The following DHRS4L2 variants were observed in gnomAD, a reference collection of about 807,000 sequenced individuals.
The protein encoded by DHRS4L2 is dehydrogenase/reductase SDR family member 4-like 2.
A neutral mutation model predicts 23.9 loss-of-function variants in DHRS4L2; 22 were observed. The ratio of observed to expected loss-of-function variants is 0.92; its 90% CI spans 0.66 to 1.31. The LOEUF is 1.31. Ranked by LOEUF, DHRS4L2 falls within the 40% of genes most tolerant of loss-of-function variation. The pLI, the probability that DHRS4L2 is intolerant of heterozygous loss-of-function variation, is 0.00. For synonymous variants in DHRS4L2, 141 were observed against 123.7 expected (o/e 1.14, Z -0.93); for missense variants, 385 against 303.3 (o/e 1.27, Z -2.00).
chr14:23,990,227 C>T lies in DHRS4L2; in HGVS notation c.174C>T (p.His58=), dbSNP rs11556286. Residue 58 remains histidine (H), a synonymous_variant, in exon 2 of 8, where the codon CAC becomes CAT. Transcript: ENST00000335125. ...IARRLAQDRA[H]VVVSSRKQQN... ...GGCGTTTGGCCCAGGACAGGGCCCA[C>T]GTGGTCGTCAGCAGCCGGAAGCAGC... 77 of 1,612,508 alleles carry T rather than the reference C, an allele frequency of 4.8e-5. 1 individual carries two copies. Among genetic ancestry groups the T allele is most frequent in the Middle Eastern group, 3.3e-4 (2 of 6,078 alleles).
At chr14:23,981,695 A>G (rs2034056151) in intron 1 of DHRS4L2, among the ~76,000 whole-genome samples, 1 of 151,714 alleles carries the variant, frequency 6.6e-6, no homozygotes, top group Non-Finnish European at 1.5e-5. Context: ...TTACTATCTC[A>G]GCAAGAGGAA....
At chr14:23,990,105 T>A in intron 1 of DHRS4L2, 77 bp from the exon 2 acceptor site, 1 of 1,580,442 alleles carries the variant, frequency 6.3e-7, no homozygotes, top group South Asian at 1.2e-5. Flanking sequence ...ACCCGGGCAG[T>A]CTTAACTTCA....
At chr14:23,981,755 T>G (rs1235803970) in intron 1 of DHRS4L2, among the ~76,000 whole-genome samples, 31 of 151,554 alleles carry the variant, frequency 2.0e-4, no homozygotes, top group Admixed American at 2.0e-3. Context: ...CAAGAAAACA[T>G]GTGGCAAAGG....
exon 1 of DHRS4L2, chr14:23,970,243 C>T (rs1452536289): frequency 2.2e-6 from 1 of 452,410 alleles, no homozygotes; most frequent in East Asian, 7.0e-5. Context: ...CCCCGCTACC[C>T]CAAGCATCCA....
upstream of DHRS4L2, among the ~76,000 whole-genome samples, chr14:23,984,044 G>T (rs1957679): frequency 0.068 from 10,250 of 151,060 alleles, 624 homozygotes; most frequent in East Asian, 0.2. Flanking sequence ...TTTAAAAAAA[G>T]AAAAAATGTA....
chr14:23,971,764 A>G (rs531708176), intron 1 of DHRS4L2, among the ~76,000 whole-genome samples: 2 of 152,128 alleles, frequency 1.3e-5, no homozygotes, highest in African/African-American at 4.8e-5. Context: ...AATCCTTTGC[A>G]GACAAGGAGA....
chr14:23,972,519 A>G lies in DHRS4L2; in HGVS notation c.-176+2187A>G, dbSNP rs142768722. On this transcript the variant is annotated intron_variant, in intron 1 of 5. Transcript: ENST00000534993. ...CAGCAAGATTTATTGCAAAGAGTGA[A>G]AGAACAAAGCTTCCACAGTGTGGAA... Among the ~76,000 whole-genome samples the G allele has an allele frequency of 2.7e-3, 405 of 152,014 alleles. 1 individual carries two copies. Among genetic ancestry groups the G allele is most frequent in the African/African-American group, 9.1e-3 (380 of 41,538 alleles).
chr14:23,972,074 T>G (rs1395071239), intron 1 of DHRS4L2, among the ~76,000 whole-genome samples: 3 of 151,992 alleles, frequency 2.0e-5, no homozygotes, highest in Non-Finnish European at 4.4e-5. Flanking sequence ...TGTGCTGTAT[T>G]CAGGAGACCC....
At chr14:23,974,906 A>G (rs535649815) in intron 1 of DHRS4L2, among the ~76,000 whole-genome samples, 21 of 152,002 alleles carry the variant, frequency 1.4e-4, no homozygotes, top group African/African-American at 1.9e-4. Context: ...TTATAATGCC[A>G]GAATCATCCG....
intron 1 of DHRS4L2, among the ~76,000 whole-genome samples, chr14:23,972,906 T>C (rs2033890820): frequency 6.6e-6 from 1 of 152,010 alleles, no homozygotes. Context: ...GTAAGCCAGA[T>C]TTATGTTTCT....
chr14:23,999,367 A>AAAAAAAAACAGAAC (rs1555330042), intron 3 of DHRS4L2, among the ~76,000 whole-genome samples: 1 of 116,774 alleles, frequency 8.6e-6, no homozygotes, highest in Admixed American at 9.6e-5. Context: ...AAAAAAAAAA[A>AAAAAAAAACAGAAC]AAAAAAACAA....
upstream of DHRS4L2, among the ~76,000 whole-genome samples, chr14:23,986,965 A>G (rs941076853): frequency 5.9e-5 from 9 of 151,618 alleles, no homozygotes; most frequent in Admixed American, 2.0e-4. Context: ...TTGCCTGGAC[A>G]TGGGGAAAAT....
chr14:24,004,288 A>G, intron 6 of DHRS4L2, 49 bp from the exon 7 acceptor site: 5 of 1,508,758 alleles, frequency 3.3e-6, no homozygotes, highest in Non-Finnish European at 2.6e-6. Flanking sequence ...AAAAAAAAAA[A>G]GAAAGGAAAA....
Position 23,972,694 on chromosome 14 carries a change from G to T in DHRS4L2, c.-176+2362G>T, listed in dbSNP as rs2033885886. 1.3e-5 allele frequency among the ~76,000 whole-genome samples: 2 copies of T among 151,892 alleles called. 1 individual carries two copies. The highest frequency in any genetic ancestry group is 1.3e-4 in the Admixed American group (2 of 15,270). On this transcript the variant is annotated intron_variant, in intron 1 of 5. Transcript: ENST00000534993. Reference sequence around the variant, plus strand: ...AAACAACAGTGAGTCCAGGGGACCGGCGCTCAGCATACCAAGGACCTGCAC... The same window carrying T: ...AAACAACAGTGAGTCCAGGGGACCGTCGCTCAGCATACCAAGGACCTGCAC...
chr14:24,001,981 AATT>A (rs2034499723), intron 6 of DHRS4L2, among the ~76,000 whole-genome samples: 1 of 11,476 alleles, frequency 8.7e-5, no homozygotes, highest in South Asian at 2.8e-3. Flanking sequence ...TTTCTTTTTT[AATT>A]ATTATTATTA....
rs1001867881 is a variant in DHRS4L2, at chr14:23,983,504, C to G, written c.-175-6678C>G. 1.3e-4 allele frequency among the ~76,000 whole-genome samples: 20 copies of G among 151,584 alleles called. 1 individual carries two copies. Among genetic ancestry groups the G allele is most frequent in the African/African-American group, 4.8e-4 (20 of 41,274 alleles). On this transcript the variant is annotated intron_variant, in intron 1 of 5. Transcript: ENST00000534993. Reference sequence around the variant, plus strand: ...CTCAAAGACCTATAACCTGAAACACCATTTGACCCAGCAATCCCATTACTG... The same window carrying G: ...CTCAAAGACCTATAACCTGAAACACGATTTGACCCAGCAATCCCATTACTG...
intron 2 of DHRS4L2, among the ~76,000 whole-genome samples, chr14:23,992,763 G>A (rs2034296386): frequency 6.7e-6 from 1 of 149,938 alleles, no homozygotes; most frequent in Admixed American, 6.6e-5. Context: ...ATAGCTCACT[G>A]TAACCTCGAA....
chr14:23,983,467 G>C (rs2034087660), intron 1 of DHRS4L2, among the ~76,000 whole-genome samples: 1 of 151,688 alleles, frequency 6.6e-6, no homozygotes, highest in Non-Finnish European at 1.5e-5. Flanking sequence ...GTGGAAGACA[G>C]TGTGACCATT....
In DHRS4L2 at chr14:23,990,685, T is replaced by C. The variant is rs2034251674; in HGVS notation, c.306+326T>C. 5 of 1,098,448 alleles carry C rather than the reference T, an allele frequency of 4.6e-6. No individual in the cohort carries two copies. The South Asian group carries it at 1.4e-4, about 30-fold the overall frequency. The allele number at this position is 1,098,448 out of a possible 1,614,324, so 68.0% of individuals were successfully genotyped here. A position where few individuals can be genotyped will look rare whatever the true frequency, so the allele number is the denominator to read the frequency against. On this transcript the variant is annotated intron_variant, in intron 2 of 7. Coordinates refer to ENST00000335125, the MANE Select transcript of DHRS4L2 (RefSeq NM_198083.4). ...CATGAGCTAATAAACATTCCCCTCT[T>C]CTTCAGCTTATAGAGTCAAGTCCCT...
Sources: gnomAD v4.1 joint callset for allele counts (sites outside exome capture counted in the v4.1 genomes callset) on GRCh38, gnomAD v4.1.1 for gene constraint, MANE v1.5 for transcripts, NCBI Gene and HGNC (gene_info 2026-07-23, HGNC 2026-07-21) for gene names.